Variants in CDYL observed in about 807,000 individuals in gnomAD.
The protein encoded by CDYL is chromodomain Y like, also known as chromodomain Y-like protein.
Under a neutral mutation model 47.3 loss-of-function variants are expected in CDYL, and 8 were observed. That is an observed-to-expected ratio of 0.17 (90% confidence interval 0.10 to 0.31). CDYL has a LOEUF of 0.31. Among genes scored for constraint, CDYL ranks in the 10% least tolerant of loss-of-function variants. The pLI is 1.00. For synonymous variants in CDYL, 266 were observed against 265.0 expected (o/e 1.00, Z -0.04); for missense variants, 471 against 701.4 (o/e 0.67, Z 3.71).
At chr6:4,722,659 T>C (rs1249029663) in intron 2 of CDYL, among the ~76,000 whole-genome samples, 1 of 152,190 alleles carries the variant, frequency 6.6e-6, no homozygotes, top group Admixed American at 6.5e-5. Context: ...GGTAGATGGC[T>C]TGAGGCCAGG....
At chr6:4,882,209 C>T (rs1420081081) in intron 1 of CDYL, among the ~76,000 whole-genome samples, 1 of 152,096 alleles carries the variant, frequency 6.6e-6, no homozygotes, top group Non-Finnish European at 1.5e-5. Flanking sequence ...GTGGCAAGCT[C>T]ACTTGTTAGC....
chr6:4,937,507 G>A, intron 3 of CDYL, 58 bp from the exon 4 acceptor site: 4 of 1,308,122 alleles, frequency 3.1e-6, no homozygotes, highest in South Asian at 1.6e-5. Context: ...AAAAAAAAAT[G>A]CTTTAAGATT....
chr6:4,756,725 A>G (rs1390922886), intron 3 of CDYL, among the ~76,000 whole-genome samples: 1 of 152,144 alleles, frequency 6.6e-6, no homozygotes, highest in East Asian at 1.9e-4. Flanking sequence ...ATCATTCTAC[A>G]AACAATATAG....
At chr6:4,900,583 C>T (rs575677710) in intron 2 of CDYL, among the ~76,000 whole-genome samples, 1 of 151,532 alleles carries the variant, frequency 6.6e-6, no homozygotes, top group African/African-American at 2.4e-5. Context: ...ATAGATGTTG[C>T]CAAATTGCTC....
At chr6:4,882,461 T>G (rs982916497) in intron 1 of CDYL, among the ~76,000 whole-genome samples, 1 of 152,206 alleles carries the variant, frequency 6.6e-6, no homozygotes, top group Non-Finnish European at 1.5e-5. Flanking sequence ...GGAGGATGTC[T>G]TCACCCTTTG....
intron 3 of CDYL, among the ~76,000 whole-genome samples, chr6:4,762,843 A>C (rs774954345): frequency 5.7e-4 from 87 of 152,240 alleles, no homozygotes; most frequent in Middle Eastern, 6.8e-3. Flanking sequence ...GGAAACTCAG[A>C]AGGGAAGAAG....
At chr6:4,753,966 A>G (rs960557246) in intron 3 of CDYL, among the ~76,000 whole-genome samples, 1 of 152,010 alleles carries the variant, frequency 6.6e-6, no homozygotes, top group Non-Finnish European at 1.5e-5. Context: ...TGTTTTATCT[A>G]TGTAGTTGCC....
Position 4,776,749 on chromosome 6 carries a change from C to T in CDYL, c.-35C>T, listed in dbSNP as rs1340165414. On this transcript the variant is annotated 5_prime_UTR_variant, in exon 1 of 7. Coordinates refer to ENST00000397588, the MANE Select transcript of CDYL (RefSeq NM_004824.4). ...CGCCCGGCGCCGGCGCCCGCCCCGACCCTGCCCCTCCCGCCCGCAACTCCG... is the reference window on the plus strand; with the variant it reads ...CGCCCGGCGCCGGCGCCCGCCCCGATCCTGCCCCTCCCGCCCGCAACTCCG... 3 of 1,076,214 alleles carry T rather than the reference C, an allele frequency of 2.8e-6. No homozygotes were observed. Among genetic ancestry groups the T allele is most frequent in the Non-Finnish European group, 3.7e-6 (3 of 813,918 alleles). The allele number at this position is 1,076,214 out of a possible 1,614,324, so 66.7% of individuals were successfully genotyped here.
At chr6:4,780,872 G>A (rs576004899) in intron 1 of CDYL, among the ~76,000 whole-genome samples, 2 of 152,290 alleles carry the variant, frequency 1.3e-5, no homozygotes, top group Admixed American at 6.5e-5. Context: ...AATTTATTTA[G>A]CAGTCAAGTA....
intron 1 of CDYL, among the ~76,000 whole-genome samples, chr6:4,822,085 C>T (rs1759854199): frequency 6.6e-6 from 1 of 152,136 alleles, no homozygotes; most frequent in African/African-American, 2.4e-5. Context: ...CCTCCCAACT[C>T]AGCTTCCTGA....
At chr6:4,791,021 A>G (rs1241771367) in intron 1 of CDYL, among the ~76,000 whole-genome samples, 9 of 152,234 alleles carry the variant, frequency 5.9e-5, no homozygotes, top group African/African-American at 2.2e-4. Flanking sequence ...GTAGGTACAA[A>G]CTGATGATTT....
chr6:4,788,480 CAAAA>C (rs1220969716), intron 1 of CDYL, among the ~76,000 whole-genome samples: 26 of 61,062 alleles, frequency 4.3e-4, no homozygotes, highest in African/African-American at 7.4e-4. Context: ...GAGACTCTGT[CAAAA>C]AAAAAAAAAA....
intron 1 of CDYL, among the ~76,000 whole-genome samples, chr6:4,878,631 T>C (rs1761680797): frequency 6.6e-6 from 1 of 152,126 alleles, no homozygotes; most frequent in South Asian, 2.1e-4. Context: ...TGTAGTGTTA[T>C]TCTCTTATAT....
At chr6:4,906,617 A>T (rs1170282591) in intron 2 of CDYL, among the ~76,000 whole-genome samples, 1 of 152,222 alleles carries the variant, frequency 6.6e-6, no homozygotes, top group East Asian at 1.9e-4. Context: ...ATGGACTTCA[A>T]AGGGAAAGTA....
intron 2 of CDYL, among the ~76,000 whole-genome samples, chr6:4,724,077 C>CTGG (rs1442499889): frequency 6.6e-6 from 1 of 152,212 alleles, no homozygotes; most frequent in Non-Finnish European, 1.5e-5. Context: ...CTTGCTCTGA[C>CTGG]ACCCAGGCTC....
intron 1 of CDYL, among the ~76,000 whole-genome samples, chr6:4,838,828 A>C (rs1760402083): frequency 6.6e-6 from 1 of 152,090 alleles, no homozygotes; most frequent in Admixed American, 6.5e-5. Flanking sequence ...CTGGGATTAC[A>C]GGTGAGTGTT....
At chr6:4,736,040 A>G (rs1167974903) in intron 3 of CDYL, among the ~76,000 whole-genome samples, 1 of 152,054 alleles carries the variant, frequency 6.6e-6, no homozygotes, top group Non-Finnish European at 1.5e-5. Context: ...GAAATGTTGT[A>G]CCCTTTGACC....
chr6:4,950,646 A>T (rs1195745410), intron 5 of CDYL, among the ~76,000 whole-genome samples: 5 of 152,194 alleles, frequency 3.3e-5, no homozygotes, highest in Admixed American at 2.6e-4. Context: ...AGACTCTTCA[A>T]AAACTCATGA....
At chr6:4,945,905 C>T (rs1758499895) in intron 5 of CDYL, among the ~76,000 whole-genome samples, 1 of 152,254 alleles carries the variant, frequency 6.6e-6, no homozygotes. Context: ...CTAGACCTTC[C>T]ATAGCCACAG....
Sources: gnomAD v4.1 joint callset for allele counts (sites outside exome capture counted in the v4.1 genomes callset) on GRCh38, gnomAD v4.1.1 for gene constraint, MANE v1.5 for transcripts, NCBI Gene and HGNC (gene_info 2026-07-23, HGNC 2026-07-21) for gene names.